Variants in PRKN observed in about 807,000 individuals in gnomAD.
PRKN encodes the protein parkin RBR E3 ubiquitin protein ligase.
In PRKN, 56 loss-of-function variants were observed where a neutral mutation model predicts 59.5. That is an observed-to-expected ratio of 0.94 (90% CI 0.76 to 1.18). The LOEUF (loss-of-function observed/expected upper bound fraction) is 1.18. PRKN is among the 50% of genes most tolerant of loss of function. The pLI, the probability that PRKN is intolerant of heterozygous loss-of-function variation, is 0.00. For missense variants in PRKN, 657 were observed against 596.4 expected (o/e 1.10, Z -1.06); for synonymous variants, 250 against 222.1 (o/e 1.13, Z -1.12).
chr6:161,912,461 C>T (rs1406623068), intron 6 of PRKN, among the ~76,000 whole-genome samples: 2 of 151,672 alleles, frequency 1.3e-5, no homozygotes, highest in Admixed American at 1.3e-4. Flanking sequence ...TGGCCTTCAC[C>T]AAGAGAATGT....
chr6:162,513,417 T>C (rs1777712201), intron 1 of PRKN, among the ~76,000 whole-genome samples: 1 of 151,506 alleles, frequency 6.6e-6, no homozygotes, highest in African/African-American at 2.4e-5. Flanking sequence ...AGGGAGAGGT[T>C]GCAGTGAGCT....
rs144747294 is a variant in PRKN at position 162,497,691 on chromosome 6, T to C, written c.8-54218A>G. 2.7e-3 allele frequency among the ~76,000 whole-genome samples: 407 copies of C among 152,302 alleles called. 1 individual carries two copies. Among genetic ancestry groups the C allele is most frequent in the Non-Finnish European group, 3.2e-3 (215 of 68,026 alleles). ...CTTTGCTGAGTCTAGGCGCCTCCACTTCTTACATGCCATGCGAATGACACA... is the reference window on the plus strand; with the variant it reads ...CTTTGCTGAGTCTAGGCGCCTCCACCTCTTACATGCCATGCGAATGACACA... On this transcript the variant is annotated intron_variant, in intron 1 of 11. Coordinates refer to ENST00000366898, the MANE Select transcript of PRKN (RefSeq NM_004562.3).
chr6:162,067,455 A>C (rs2023066), intron 4 of PRKN, among the ~76,000 whole-genome samples: 45,965 of 152,092 alleles, frequency 0.3, 7,706 homozygotes, highest in East Asian at 0.63. Context: ...TGGAAGACAA[A>C]AGTAAAATAT....
chr6:162,442,216 A>T (rs1016835409), intron 2 of PRKN, among the ~76,000 whole-genome samples: 1 of 152,168 alleles, frequency 6.6e-6, no homozygotes, highest in African/African-American at 2.4e-5. Context: ...AAAGCCATAA[A>T]TATCGTTACC....
intron 1 of PRKN, among the ~76,000 whole-genome samples, chr6:162,691,357 T>C (rs1777767678): frequency 6.6e-6 from 1 of 152,180 alleles, no homozygotes; most frequent in Non-Finnish European, 1.5e-5. Context: ...CACCATCTCA[T>C]AGTAGAGACA....
At chr6:162,458,296 C>G (rs1297490000) in intron 1 of PRKN, among the ~76,000 whole-genome samples, 1 of 141,182 alleles carries the variant, frequency 7.1e-6, no homozygotes, top group Non-Finnish European at 1.5e-5. Flanking sequence ...TGTGGTGGCA[C>G]GTGCCTGTAA....
chr6:161,587,738 C>T (rs898502202), intron 7 of PRKN, among the ~76,000 whole-genome samples: 1 of 152,014 alleles, frequency 6.6e-6, no homozygotes, highest in African/African-American at 2.4e-5. Context: ...TTTTGGTGCA[C>T]CCATCACCCA....
chr6:162,691,311 T>A (rs930110181), intron 1 of PRKN, among the ~76,000 whole-genome samples: 4 of 152,198 alleles, frequency 2.6e-5, no homozygotes, highest in African/African-American at 9.6e-5. Flanking sequence ...ACAAAATATT[T>A]CAACTAATTT....
chr6:162,255,371 C>T (rs1188573880), intron 3 of PRKN, among the ~76,000 whole-genome samples: 2 of 152,142 alleles, frequency 1.3e-5, no homozygotes, highest in Non-Finnish European at 2.9e-5. Context: ...GCCCTTGTCA[C>T]GAAGTATCTG....
chr6:162,372,234 C>T (rs556540120), intron 2 of PRKN, among the ~76,000 whole-genome samples: 6 of 152,310 alleles, frequency 3.9e-5, no homozygotes, highest in Admixed American at 1.3e-4. Flanking sequence ...AGAGATTTGA[C>T]GGAAGTCAGT....
At chr6:162,704,045 G>GGACACTTAGA (rs1778252799) in intron 1 of PRKN, among the ~76,000 whole-genome samples, 1 of 152,174 alleles carries the variant, frequency 6.6e-6, no homozygotes, top group Non-Finnish European at 1.5e-5. Context: ...TGCAGGAGAT[G>GGACACTTAGA]CACAATTTGG....
At chr6:161,677,712 A>G (rs1318479185) in intron 7 of PRKN, among the ~76,000 whole-genome samples, 1 of 152,208 alleles carries the variant, frequency 6.6e-6, no homozygotes, top group Non-Finnish European at 1.5e-5. Flanking sequence ...AAATTTCTCA[A>G]TGGCAAGCAT....
At chr6:162,657,678 T>C (rs1778696654) in intron 1 of PRKN, among the ~76,000 whole-genome samples, 1 of 152,194 alleles carries the variant, frequency 6.6e-6, no homozygotes, top group African/African-American at 2.4e-5. Flanking sequence ...ACACCTGTAA[T>C]AAATCTTTCT....
chr6:162,169,952 G>A (rs1783191804), intron 4 of PRKN, among the ~76,000 whole-genome samples: 1 of 152,174 alleles, frequency 6.6e-6, no homozygotes, highest in African/African-American at 2.4e-5. Flanking sequence ...GATGGGGGAA[G>A]AAAGCGACGA....
intron 5 of PRKN, among the ~76,000 whole-genome samples, chr6:162,010,600 ATATATTATATAATATAT>A (rs1782519533): frequency 1.7e-4 from 1 of 5,908 alleles, no homozygotes; most frequent in Non-Finnish European, 2.1e-4. Flanking sequence ...ATAATATAAT[ATATATTATATAATATAT>A]TATATTATAT....
chr6:161,870,290 A>C (rs1367457737), intron 6 of PRKN, among the ~76,000 whole-genome samples: 2 of 152,170 alleles, frequency 1.3e-5, no homozygotes, highest in African/African-American at 4.8e-5. Context: ...ACAGCTCAGC[A>C]CATACTCTAT....
At chr6:162,598,267 C>T (rs1197039931) in intron 1 of PRKN, among the ~76,000 whole-genome samples, 1 of 152,074 alleles carries the variant, frequency 6.6e-6, no homozygotes, top group Non-Finnish European at 1.5e-5. Context: ...CCTATGCAAT[C>T]GTTTTTATTT....
chr6:162,701,673 G>A (rs1030158620), intron 1 of PRKN, among the ~76,000 whole-genome samples: 1 of 151,788 alleles, frequency 6.6e-6, no homozygotes, highest in African/African-American at 2.4e-5. Context: ...TTCCAAGATT[G>A]GAGCTTTCTT....
chr6:161,458,615 G>C lies in PRKN; in HGVS notation c.1084-71738C>G, dbSNP rs60426873. On this transcript the variant is annotated intron_variant, in intron 9 of 11. Coordinates refer to ENST00000366898, the MANE Select transcript of PRKN (RefSeq NM_004562.3). The surrounding 1 kb of genome is among the most constrained non-coding windows in gnomAD (Gnocchi z 6.1). ...TTTAATAGCAAAGGAGCATTTCCAA[G>C]GTACAAAAACATTTCAGCCATTAAG... Among the ~76,000 whole-genome samples, 2,675 of 152,196 alleles carry C rather than the reference G, an allele frequency of 0.018. 86 individuals are homozygous for C. Among genetic ancestry groups the C allele is most frequent in the African/African-American group, 0.061 (2,524 of 41,526 alleles).
Sources: allele counts gnomAD v4.1 joint callset (sites outside exome capture counted in the v4.1 genomes callset), GRCh38; gene constraint gnomAD v4.1.1; non-coding constraint Gnocchi (gnomAD v3.1); transcripts MANE v1.5; gene names NCBI Gene and HGNC (gene_info 2026-07-23, HGNC 2026-07-21).